Variants in PIK3R4 observed in about 807,000 individuals in gnomAD.
PIK3R4 encodes phosphoinositide-3-kinase regulatory subunit 4.
PIK3R4 carries 46 observed loss-of-function variants against 136.5 expected under a neutral mutation model. The observed-to-expected ratio is 0.34, with a 90% confidence interval of 0.27 to 0.43. The LOEUF (loss-of-function observed/expected upper bound fraction) is 0.43. Ranked by LOEUF, PIK3R4 falls within the 20% of genes least tolerant of loss-of-function variation. The pLI, the probability that PIK3R4 is intolerant of heterozygous loss-of-function variation, is 1.00. For missense variants in PIK3R4, 1,331 were observed against 1,649.5 expected (o/e 0.81, Z 3.35); for synonymous variants, 557 against 566.7 (o/e 0.98, Z 0.24).
Position 130,744,771 on chromosome 3 carries a change from T to C in PIK3R4, c.448A>G (p.Lys150Glu). ...CTGGTGACCATCACATTCTCAGTCT[T>C]GATGTCCCCATGACGAACTCCAGAT... Reference protein sequence around the residue: ...HKSGVRHGDIKTENVMVTSWN... With the variant: ...HKSGVRHGDIETENVMVTSWN... The change falls in exon 2 of 20, where the codon AAG (lysine) becomes GAG (glutamate). Residue 150 changes from lysine to glutamate, a missense_variant. Around this residue, in one of 2 missense-constraint regions of PIK3R4, gnomAD observed 151 missense variants for 242.5 expected, o/e 0.62. Transcript: ENST00000356763. 2 of 1,614,248 alleles carry C rather than the reference T, an allele frequency of 1.2e-6. No homozygotes were observed. Among genetic ancestry groups the C allele is most frequent in the Non-Finnish European group, 1.7e-6 (2 of 1,180,048 alleles).
At chr3:130,706,824 G>A in intron 11 of PIK3R4, 124 bp downstream of exon 11, 1 of 576,702 alleles carries the variant, frequency 1.7e-6, no homozygotes, top group Non-Finnish European at 2.8e-6. Context: ...AAAGAAATAT[G>A]ACCTCCCTAA....
intron 9 of PIK3R4, 121 bp from the exon 10 acceptor site, chr3:130,708,613 G>A: frequency 1.2e-6 from 1 of 806,878 alleles, no homozygotes; most frequent in Non-Finnish European, 1.9e-6. Flanking sequence ...AGACAGAAGG[G>A]TGAAACAACC....
At chr3:130,721,985 A>C (rs1455009943) in intron 7 of PIK3R4, among the ~76,000 whole-genome samples, 1 of 152,172 alleles carries the variant, frequency 6.6e-6, no homozygotes. Context: ...ATATCAAAAT[A>C]TCATGTTGAA....
At position 130,733,824 on chromosome 3, in the gene PIK3R4, A is replaced by G. The variant is rs1372959621; in HGVS notation, c.1174T>C (p.Cys392Arg). 1 of 1,614,220 alleles carries G rather than the reference A, an allele frequency of 6.2e-7. No individual in the cohort carries two copies. The highest frequency in any genetic ancestry group is 1.1e-5 in the South Asian group (1 of 91,082). ...ITSCLQTLKYCDSKLAALELI... is the reference protein window; with the variant it reads ...ITSCLQTLKYRDSKLAALELI... ...TCCAAAGCAGCTAGTTTGGAATCAC[A>G]GTATTTAAGGGTCTGTAGGCAGGAT... is the stretch of plus-strand genomic sequence containing the variant. Residue 392 changes from cysteine (C) to arginine (R), a missense_variant, in exon 4 of 20, where the codon TGT (cysteine) becomes CGT (arginine). Physicochemically the swap from Cys to Arg is radical, Grantham distance 180. This residue lies in a region of PIK3R4 where 1,180 missense variants were observed against 1,407.0 expected (regional missense o/e 0.84). Transcript: ENST00000356763.
At chr3:130,679,893 T>C (rs1267007766) in intron 19 of PIK3R4, among the ~76,000 whole-genome samples, 1 of 151,946 alleles carries the variant, frequency 6.6e-6, no homozygotes, top group Non-Finnish European at 1.5e-5. Flanking sequence ...CTGGCCAACA[T>C]GGTGAAACCC....
intron 12 of PIK3R4, among the ~76,000 whole-genome samples, chr3:130,705,263 G>A (rs1177949436): frequency 1.3e-5 from 2 of 152,192 alleles, no homozygotes; most frequent in African/African-American, 4.8e-5. Flanking sequence ...AGACATTCAA[G>A]TGAAAAAGTG....
Position 130,703,860 on chromosome 3 carries a change from G to C in PIK3R4, c.2961C>G (p.Ala987=), listed in dbSNP as rs540328212. ...CAGCAGATTTATGCTCATGAAGATG[G>C]GCAACTAACAGCCCTTTAGGACGCC... ...PGWRPKGLLV[A]HLHEHKSAVN... is the part of the protein sequence containing the mutation. The change falls in exon 13 of 20, where the codon GCC becomes GCG. Residue 987 remains alanine (A), a synonymous_variant. Transcript: ENST00000356763. The C allele has an allele frequency of 3.7e-6, 6 of 1,611,538 alleles. No individual in the cohort carries two copies. The highest frequency in any genetic ancestry group is 2.2e-5 in the East Asian group (1 of 44,774).
intron 13 of PIK3R4, among the ~76,000 whole-genome samples, chr3:130,702,054 T>C (rs2066577636): frequency 6.6e-6 from 1 of 151,754 alleles, no homozygotes; most frequent in African/African-American, 2.4e-5. Flanking sequence ...GGCGGGAGGA[T>C]TGCTTGAAAC....
At chr3:130,725,861 A>C (rs1163010579) in intron 6 of PIK3R4, 1 of 152,112 alleles carries the variant, frequency 6.6e-6, no homozygotes, top group Non-Finnish European at 1.5e-5. Context: ...TTGATAGTTA[A>C]GCTAAGAAAT....
intron 13 of PIK3R4, among the ~76,000 whole-genome samples, chr3:130,693,566 G>A (rs574219528): frequency 5.9e-5 from 9 of 152,184 alleles, no homozygotes; most frequent in South Asian, 2.1e-4. Context: ...CTTTTCATGC[G>A]CTTATTGGTC....
intron 4 of PIK3R4, 114 bp downstream of exon 4, chr3:130,733,434 C>G (rs2066769156): frequency 7.4e-6 from 5 of 673,952 alleles, no homozygotes; most frequent in Non-Finnish European, 1.3e-5. Context: ...ACAAATAGTT[C>G]AAAGAGCAAA....
chr3:130,730,466 T>C (rs201597936), intron 4 of PIK3R4, 24 bp from the exon 5 acceptor site: 3 of 1,510,044 alleles, frequency 2.0e-6, no homozygotes, highest in Non-Finnish European at 2.7e-6. Flanking sequence ...AGGAAGAAAA[T>C]TTATAATTAC....
chr3:130,712,246 C>G (rs1450229244), intron 9 of PIK3R4, among the ~76,000 whole-genome samples: 1 of 152,006 alleles, frequency 6.6e-6, no homozygotes, highest in Non-Finnish European at 1.5e-5. Flanking sequence ...TGATGTGTCT[C>G]AAGTACAGTC....
In PIK3R4 at chr3:130,735,419, C is replaced by T. The variant is rs947374778; in HGVS notation, c.867+450G>A. Among the ~76,000 whole-genome samples the T allele has an allele frequency of 3.9e-5, 6 of 152,306 alleles. No homozygotes were observed. In the East Asian group the frequency reaches 1.2e-3, roughly 29 times the overall value. On this transcript the variant is annotated intron_variant, in intron 3 of 19. Coordinates refer to ENST00000356763, the MANE Select transcript of PIK3R4 (RefSeq NM_014602.3). ...TTCTGTAGCTGCCTTTCCAGAACTG[C>T]CCTCAGCTTCATATATTAATACAAA...
intron 2 of PIK3R4, among the ~76,000 whole-genome samples, chr3:130,740,933 CTATTTTTATTT>C (rs1387818269): frequency 4.6e-5 from 7 of 151,936 alleles, no homozygotes; most frequent in African/African-American, 1.7e-4. Context: ...TTCCTTTGTT[CTATTTTTATTT>C]TTGCAAGTTT....
rs1275187408 is a variant in PIK3R4 at position 130,706,787 on chromosome 3, A to G, written c.2721+161T>C. Among the ~76,000 whole-genome samples the G allele has an allele frequency of 2.0e-5, 3 of 152,210 alleles. No individual in the cohort carries two copies. In the East Asian group the frequency reaches 5.8e-4, roughly 29 times the overall value. ...TCAATAACTAGATTTCCTCCTCACC[A>G]TAAAATTAAAGATAAACCTGTCTTA... On this transcript the variant is annotated intron_variant, in intron 11 of 19. Coordinates refer to ENST00000356763, the MANE Select transcript of PIK3R4 (RefSeq NM_014602.3).
At chr3:130,682,452 C>T (rs1266480570) in intron 16 of PIK3R4, among the ~76,000 whole-genome samples, 1 of 152,106 alleles carries the variant, frequency 6.6e-6, no homozygotes, top group African/African-American at 2.4e-5. Flanking sequence ...CCATTTCAGA[C>T]TTCTGGCCTC....
At chr3:130,693,011 C>T (rs1576452076) in intron 13 of PIK3R4, among the ~76,000 whole-genome samples, 1 of 152,168 alleles carries the variant, frequency 6.6e-6, no homozygotes, top group Admixed American at 6.5e-5. Flanking sequence ...TCCCCCAGCA[C>T]CTGGCAATTA....
Position 130,705,780 on chromosome 3 carries a change from CA to C in PIK3R4, c.2722-10del. 2 of 1,544,248 alleles carry C rather than the reference CA, an allele frequency of 1.3e-6. No homozygotes were observed. Among genetic ancestry groups the C allele is most frequent in the Non-Finnish European group, 8.9e-7 (1 of 1,117,618 alleles). On this transcript the variant is annotated splice_polypyrimidine_tract_variant and intron_variant, in intron 11 of 19. Coordinates refer to ENST00000356763, the MANE Select transcript of PIK3R4 (RefSeq NM_014602.3). ...GTTGTCACTTCTGGAACCTACAAAA[CA>C]AATAGAATTCTAACTATTTACGTCG...
Sources: gnomAD v4.1 joint callset for allele counts (sites outside exome capture counted in the v4.1 genomes callset) on GRCh38, gnomAD v4.1.1 for gene constraint, gnomAD v4.1.1 regional missense constraint, MANE v1.5 for transcripts, NCBI Gene and HGNC (gene_info 2026-07-23, HGNC 2026-07-21) for gene names.